The following SPOCK3 variants were observed in gnomAD, a reference collection of about 807,000 sequenced individuals.
SPOCK3 encodes the protein testican-3.
A neutral mutation model predicts 56.6 loss-of-function variants in SPOCK3; 30 were observed. That is an observed-to-expected ratio of 0.53 (90% CI 0.40 to 0.72). The LOEUF (loss-of-function observed/expected upper bound fraction) is 0.72. SPOCK3 is among the 30% of genes least tolerant of loss of function. The pLI is 0.00. For missense variants in SPOCK3, 527 were observed against 530.0 expected, an observed-to-expected ratio of 0.99 and a Z score of 0.06; for synonymous variants, 196 against 183.3, an observed-to-expected ratio of 1.07 and a Z score of -0.56.
chr4:167,088,175 T>C (rs1038568104), intron 2 of SPOCK3, among the ~76,000 whole-genome samples: 1 of 152,186 alleles, frequency 6.6e-6, no homozygotes, highest in Non-Finnish European at 1.5e-5. Flanking sequence ...ATGCCTTCTA[T>C]AACATGGATT....
intron 8 of SPOCK3, among the ~76,000 whole-genome samples, chr4:166,750,106 T>G (rs900961025): frequency 3.3e-5 from 5 of 152,172 alleles, no homozygotes; most frequent in Admixed American, 6.6e-5. Context: ...CATTTTAGAA[T>G]TTCAAGAAAA....
chr4:167,081,262 A>C (rs1757680434), intron 2 of SPOCK3, among the ~76,000 whole-genome samples: 1 of 152,060 alleles, frequency 6.6e-6, no homozygotes, highest in Non-Finnish European at 1.5e-5. Context: ...TGTGAATAAT[A>C]TCACCTTTGC....
intron 6 of SPOCK3, among the ~76,000 whole-genome samples, chr4:166,878,422 T>C (rs1201474231): frequency 6.6e-6 from 1 of 152,048 alleles, no homozygotes; most frequent in Non-Finnish European, 1.5e-5. Flanking sequence ...CTATAAGAAG[T>C]TGGCCAAAAT....
At chr4:166,791,800 C>T (rs1200600684) in intron 7 of SPOCK3, among the ~76,000 whole-genome samples, 2 of 152,070 alleles carry the variant, frequency 1.3e-5, no homozygotes, top group African/African-American at 4.8e-5. Context: ...CTTGGAAAGG[C>T]TACCATACGG....
intron 2 of SPOCK3, among the ~76,000 whole-genome samples, chr4:167,145,875 A>G (rs778230352): frequency 6.6e-6 from 1 of 152,194 alleles, no homozygotes; most frequent in African/African-American, 2.4e-5. Flanking sequence ...TATAAAGACC[A>G]TAGATGCTAT....
At chr4:167,198,491 T>C (rs1484191626) in intron 2 of SPOCK3, among the ~76,000 whole-genome samples, 1 of 152,182 alleles carries the variant, frequency 6.6e-6, no homozygotes, top group Non-Finnish European at 1.5e-5. Context: ...ACATCTAAAA[T>C]GACCAAATGT....
At chr4:166,764,318 C>A (rs987535040) in intron 7 of SPOCK3, among the ~76,000 whole-genome samples, 1 of 152,076 alleles carries the variant, frequency 6.6e-6, no homozygotes, top group African/African-American at 2.4e-5. Context: ...TTGGGTATAT[C>A]TCCTAATGCT....
intron 5 of SPOCK3, among the ~76,000 whole-genome samples, chr4:166,900,271 G>A (rs770223320): frequency 1.3e-5 from 2 of 152,168 alleles, no homozygotes; most frequent in African/African-American, 4.8e-5. Context: ...TCAGTAATGT[G>A]TTGGCCGGCA....
At chr4:166,899,841 T>C (rs1324912651) in intron 5 of SPOCK3, among the ~76,000 whole-genome samples, 2 of 152,178 alleles carry the variant, frequency 1.3e-5, no homozygotes, top group Non-Finnish European at 2.9e-5. Context: ...CTTAGAGCTA[T>C]GCAGGTGGAT....
chr4:166,762,660 C>G (rs1737403788), intron 7 of SPOCK3, among the ~76,000 whole-genome samples: 1 of 152,032 alleles, frequency 6.6e-6, no homozygotes, highest in African/African-American at 2.4e-5. Flanking sequence ...ATACCAGGAG[C>G]TAGGAATTCA....
chr4:167,175,067 G>C (rs987974261), intron 2 of SPOCK3, among the ~76,000 whole-genome samples: 1 of 152,044 alleles, frequency 6.6e-6, no homozygotes, highest in Non-Finnish European at 1.5e-5. Flanking sequence ...CAGAATTATC[G>C]GGGATGCTCA....
chr4:167,218,284 C>T (rs1165975193), intron 2 of SPOCK3, among the ~76,000 whole-genome samples: 1 of 152,088 alleles, frequency 6.6e-6, no homozygotes, highest in East Asian at 1.9e-4. Context: ...ATTAACTTGG[C>T]CTCAGATGAT....
intron 3 of SPOCK3, among the ~76,000 whole-genome samples, chr4:167,045,619 T>C (rs1753643399): frequency 6.6e-6 from 1 of 152,118 alleles, no homozygotes; most frequent in Non-Finnish European, 1.5e-5. Context: ...AGAGTTTGTG[T>C]CATGTATTTA....
Position 167,234,054 on chromosome 4 carries a change from A to T in SPOCK3, c.120T>A (p.Asp40Glu), listed in dbSNP as rs752829715. Residue 40 changes from aspartate to glutamate, a missense_variant, in exon 2 of 11, where the codon GAT becomes GAA. Physicochemically the swap from Asp to Glu is conservative, Grantham distance 45 (BLOSUM62 2). Transcript: ENST00000357545. ...GGRSDGGNFL[D>E]DKQWLTTISQ... ...AGATTGTGGTGAGCCATTGTTTATC[A>T]TCCAGAAAATTACCGCCGTCCGACC... 1 of 1,613,990 alleles carries T rather than the reference A, an allele frequency of 6.2e-7. No individual in the cohort carries two copies. Among genetic ancestry groups the T allele is most frequent in the Non-Finnish European group, 8.5e-7 (1 of 1,179,982 alleles).
At chr4:167,126,998 T>C (rs1359322935) in intron 2 of SPOCK3, among the ~76,000 whole-genome samples, 1 of 152,104 alleles carries the variant, frequency 6.6e-6, no homozygotes, top group Non-Finnish European at 1.5e-5. Context: ...TACTGCAAAG[T>C]ACAGCCAGGA....
At chr4:167,225,554 G>A (rs1274078130) in intron 2 of SPOCK3, among the ~76,000 whole-genome samples, 2 of 151,830 alleles carry the variant, frequency 1.3e-5, no homozygotes, top group African/African-American at 4.8e-5. Context: ...AACATATTAA[G>A]CAAAATTATA....
intron 3 of SPOCK3, among the ~76,000 whole-genome samples, chr4:167,041,558 T>A (rs1019491601): frequency 5.9e-5 from 9 of 152,232 alleles, no homozygotes; most frequent in East Asian, 3.9e-4. Flanking sequence ...CTACTCCCCC[T>A]ACAAATTTTG....
chr4:166,802,450 T>C (rs1323258440), intron 6 of SPOCK3, among the ~76,000 whole-genome samples: 2 of 152,214 alleles, frequency 1.3e-5, no homozygotes, highest in East Asian at 1.9e-4. Flanking sequence ...GCCAAGGTGC[T>C]GGCAGATTTA....
At chr4:166,922,252 A>C (rs577554813) in intron 4 of SPOCK3, among the ~76,000 whole-genome samples, 1 of 152,274 alleles carries the variant, frequency 6.6e-6, no homozygotes, top group East Asian at 1.9e-4. Flanking sequence ...ACAATTTCAC[A>C]CCCTAGTGGC....
Sources: gnomAD v4.1 joint callset for allele counts (sites outside exome capture counted in the v4.1 genomes callset) on GRCh38, gnomAD v4.1.1 for gene constraint, MANE v1.5 for transcripts, NCBI Gene and HGNC (gene_info 2026-07-23, HGNC 2026-07-21) for gene names.